MYO16: variants seen among roughly 807,000 people sequenced by gnomAD.
MYO16 encodes the protein myosin XVI, also known as unconventional myosin-XVI.
In MYO16, 94 loss-of-function variants were observed where a neutral mutation model predicts 205.3. The observed-to-expected ratio is 0.46, with a 90% CI of 0.39 to 0.54. MYO16 has a LOEUF of 0.54. Among genes scored for constraint, MYO16 ranks in the 20% least tolerant of loss-of-function variants. The probability of loss-of-function intolerance (pLI) is 0.00; values close to 1 mark genes in which losing one functional copy is unlikely to be tolerated. For synonymous variants in MYO16, 988 were observed against 954.0 expected (o/e 1.04, Z -0.66); for missense variants, 2,315 against 2,387.5 (o/e 0.97, Z 0.63).
rs188723578 is a variant in MYO16 at position 108,676,319 on chromosome 13, G to T, written c.292+10170G>T. On this transcript the variant is annotated intron_variant, in intron 2 of 34. Coordinates refer to ENST00000457511, the MANE Select transcript of MYO16 (RefSeq NM_001198950.3). ...GGAAAAATTTACATTATTAAGGAGCGCTGAGCAATATTTTTATTCATTGTT... is the reference window on the plus strand; with the variant it reads ...GGAAAAATTTACATTATTAAGGAGCTCTGAGCAATATTTTTATTCATTGTT... Among the ~76,000 whole-genome samples, 283 of 151,132 alleles carry T rather than the reference G, an allele frequency of 1.9e-3. 3 individuals carry two copies. The highest frequency in any genetic ancestry group is 6.7e-3 in the African/African-American group (274 of 41,200).
intron 16 of MYO16, among the ~76,000 whole-genome samples, chr13:108,946,200 A>T (rs1432255837): frequency 6.6e-6 from 1 of 151,622 alleles, no homozygotes; most frequent in Non-Finnish European, 1.5e-5. Flanking sequence ...CAATATTTGT[A>T]TGTTTGTTTC....
intron 22 of MYO16, 58 bp downstream of exon 22, chr13:109,009,107 G>A (rs1885506491): frequency 2.9e-6 from 4 of 1,368,534 alleles, no homozygotes; most frequent in Non-Finnish European, 2.9e-6. Flanking sequence ...ATATACTGGA[G>A]ACAAAGAATT....
rs193295917 is a variant in MYO16 at position 108,980,711 on chromosome 13, A to G, written c.2370-11665A>G. 3.3e-4 allele frequency among the ~76,000 whole-genome samples: 51 copies of G among 152,340 alleles called. 1 individual carries two copies. Among genetic ancestry groups the G allele is most frequent in the Middle Eastern group, 6.8e-3 (2 of 294 alleles). ...AAACTTTGAACTATTCTCTCTTCACATACTGTCTAGTGGAAAATACATTTT... is the reference window on the plus strand; with the variant it reads ...AAACTTTGAACTATTCTCTCTTCACGTACTGTCTAGTGGAAAATACATTTT... On this transcript the variant is annotated intron_variant, in intron 20 of 34. Coordinates refer to ENST00000457511, the MANE Select transcript of MYO16 (RefSeq NM_001198950.3).
chr13:108,713,734 A>G (rs1328370513), intron 3 of MYO16, among the ~76,000 whole-genome samples: 1 of 152,258 alleles, frequency 6.6e-6, no homozygotes, highest in Non-Finnish European at 1.5e-5. Context: ...TCAGCAGAAC[A>G]GAAAAAGAAC....
intron 22 of MYO16, among the ~76,000 whole-genome samples, chr13:109,018,543 A>G (rs903426959): frequency 6.6e-6 from 1 of 152,216 alleles, no homozygotes; most frequent in African/African-American, 2.4e-5. Flanking sequence ...GGGACGTTTA[A>G]GTCTGCAGAA....
intron 28 of MYO16, among the ~76,000 whole-genome samples, chr13:109,112,565 G>T (rs1198799458): frequency 2.0e-5 from 3 of 152,104 alleles, no homozygotes; most frequent in Non-Finnish European, 4.4e-5. Context: ...AGACCAGCCT[G>T]ACCAACATGG....
chr13:108,809,373 T>C (rs1594311222), intron 7 of MYO16, among the ~76,000 whole-genome samples: 1 of 152,308 alleles, frequency 6.6e-6, no homozygotes, highest in Admixed American at 6.5e-5. Context: ...TATAACTTCC[T>C]GAGACTGGGT....
chr13:109,171,248 C>T (rs1878911935), intron 33 of MYO16, among the ~76,000 whole-genome samples: 1 of 152,164 alleles, frequency 6.6e-6, no homozygotes, highest in African/African-American at 2.4e-5. Context: ...ATTGAACAAA[C>T]ATTACACATG....
intron 9 of MYO16, among the ~76,000 whole-genome samples, chr13:108,830,230 T>C (rs1876527697): frequency 8.7e-6 from 1 of 114,492 alleles, no homozygotes; most frequent in African/African-American, 3.1e-5. Flanking sequence ...GAACTAGAAA[T>C]ACCATTTGAC....
intron 34 of MYO16, among the ~76,000 whole-genome samples, chr13:109,198,410 A>C (rs1880251635): frequency 1.3e-5 from 2 of 151,662 alleles, no homozygotes; most frequent in Non-Finnish European, 3.0e-5. Flanking sequence ...CTTACCCCTA[A>C]AATTCAAAAA....
intron 27 of MYO16, among the ~76,000 whole-genome samples, chr13:109,063,120 G>A (rs949587094): frequency 9.9e-5 from 15 of 152,136 alleles, no homozygotes; most frequent in Admixed American, 6.6e-5. Context: ...GTGGATAATG[G>A]ACATTTGTTG....
chr13:108,832,144 ATTTT>A (rs10635580), intron 9 of MYO16, among the ~76,000 whole-genome samples: 1 of 134,602 alleles, frequency 7.4e-6, no homozygotes, highest in African/African-American at 2.8e-5. Flanking sequence ...TTCCGTATGG[ATTTT>A]TTTTTTTTTT....
chr13:108,866,324 A>G, intron 12 of MYO16, 82 bp downstream of exon 12: 3 of 804,374 alleles, frequency 3.7e-6, no homozygotes, highest in Non-Finnish European at 5.6e-6. Context: ...ATGACTAAAA[A>G]AAACAGGCAA....
intron 2 of MYO16, among the ~76,000 whole-genome samples, chr13:108,678,194 C>G (rs1406048827): frequency 1.3e-5 from 2 of 152,164 alleles, no homozygotes; most frequent in Non-Finnish European, 2.9e-5. Flanking sequence ...TTCTCTGAGC[C>G]TTTTCAATAC....
intron 32 of MYO16, among the ~76,000 whole-genome samples, chr13:109,150,849 A>G (rs548794721): frequency 6.6e-5 from 10 of 152,378 alleles, no homozygotes; most frequent in Non-Finnish European, 1.2e-4. Flanking sequence ...GGCTCTAAAG[A>G]GAAATCCAGC....
Position 108,916,586 on chromosome 13 carries a change from G to A in MYO16, c.1925+6436G>A, listed in dbSNP as rs118096950. 6.0e-3 allele frequency among the ~76,000 whole-genome samples: 916 copies of A among 152,192 alleles called. 21 individuals are homozygous for A. Among genetic ancestry groups the A allele is most frequent in the Admixed American group, 0.045 (682 of 15,296 alleles). ...TCTAATGACTATAAAAACAAACTAC[G>A]CTAGGTCTTTATTTTAATCTAGAAG... On this transcript the variant is annotated intron_variant, in intron 16 of 34. Coordinates refer to ENST00000457511, the MANE Select transcript of MYO16 (RefSeq NM_001198950.3).
chr13:108,527,801 C>T, the MYO16 span, among the ~76,000 whole-genome samples: 1 of 152,098 alleles, frequency 6.6e-6, no homozygotes, highest in Non-Finnish European at 1.5e-5. Context: ...GTTTGTTTTG[C>T]CTACCTTATT....
Position 109,019,644 on chromosome 13 carries a change from G to T in MYO16, c.2596-67G>T, listed in dbSNP as rs1022089477. 7 of 1,283,870 alleles carry T rather than the reference G, an allele frequency of 5.5e-6. No homozygotes were observed. The African/African-American group carries it at 1.0e-4, about 19-fold the overall frequency. 79.5% of individuals were successfully genotyped at this position (1,283,870 alleles called of 1,614,324 possible). On this transcript the variant is annotated intron_variant, in intron 22 of 34. Coordinates refer to ENST00000457511, the MANE Select transcript of MYO16 (RefSeq NM_001198950.3). ...AACAAAAATATAAGCAAGCATGCTT[G>T]AATAATAACAAAAATATCAAACTAA...
intron 4 of MYO16, among the ~76,000 whole-genome samples, chr13:108,728,810 C>CT (rs1291473433): frequency 6.6e-6 from 1 of 152,160 alleles, no homozygotes; most frequent in Admixed American, 6.5e-5. Context: ...GGGAGCATAG[C>CT]TTTTTTCTGG....
Sources: allele counts gnomAD v4.1 joint callset (sites outside exome capture counted in the v4.1 genomes callset), GRCh38; gene constraint gnomAD v4.1.1; transcripts MANE v1.5; gene names NCBI Gene and HGNC (gene_info 2026-07-23, HGNC 2026-07-21).